ZFYVE9: variants seen among roughly 807,000 people sequenced by gnomAD.
The protein encoded by ZFYVE9 is zinc finger FYVE-type containing 9, also known as zinc finger FYVE domain-containing protein 9.
A neutral mutation model predicts 126.7 loss-of-function variants in ZFYVE9; 43 were observed. The observed-to-expected ratio is 0.34, with a 90% confidence interval of 0.27 to 0.44. The LOEUF is 0.44. Among genes scored for constraint, ZFYVE9 ranks in the 20% least tolerant of loss-of-function variants. The pLI, the probability that ZFYVE9 is intolerant of heterozygous loss-of-function variation, is 1.00. For synonymous variants in ZFYVE9, 521 were observed against 597.4 expected, an observed-to-expected ratio of 0.87 and a Z score of 1.87; for missense variants, 1,476 against 1,697.0, an observed-to-expected ratio of 0.87 and a Z score of 2.29.
At chr1:52,178,727 T>C (rs995219798) in intron 1 of ZFYVE9, among the ~76,000 whole-genome samples, 1 of 152,138 alleles carries the variant, frequency 6.6e-6, no homozygotes, top group African/African-American at 2.4e-5. Flanking sequence ...GGGGAAACTA[T>C]TGAAGAAAAC....
Position 52,222,221 on chromosome 1 carries a change from G to A in ZFYVE9, c.-37+5747G>A, listed in dbSNP as rs370179009. 1.7e-4 allele frequency among the ~76,000 whole-genome samples: 26 copies of A among 152,340 alleles called. 2 individuals carry two copies. The South Asian group carries it at 4.8e-3, about 28-fold the overall frequency. On this transcript the variant is annotated intron_variant, in intron 2 of 18. Transcript: ENST00000287727. ...CACATATTGGAGAAGGCATATGGATGAAGGCAGGGAGAAATTTTCTAGAAC... is the reference window on the plus strand; with the variant it reads ...CACATATTGGAGAAGGCATATGGATAAAGGCAGGGAGAAATTTTCTAGAAC...
At chr1:52,186,499 C>T (rs1007619216) in intron 1 of ZFYVE9, among the ~76,000 whole-genome samples, 2 of 152,034 alleles carry the variant, frequency 1.3e-5, no homozygotes, top group African/African-American at 2.4e-5. Context: ...GAAAGGGCAT[C>T]CAGATAGGAA....
intron 10 of ZFYVE9, among the ~76,000 whole-genome samples, chr1:52,282,430 T>C (rs2147817807): frequency 6.6e-6 from 1 of 152,270 alleles, no homozygotes; most frequent in East Asian, 1.9e-4. Context: ...ACAAATGAGG[T>C]AGAAAAACGG....
At chr1:52,198,936 A>G (rs1031941764) in intron 1 of ZFYVE9, among the ~76,000 whole-genome samples, 1 of 152,178 alleles carries the variant, frequency 6.6e-6, no homozygotes, top group Non-Finnish European at 1.5e-5. Flanking sequence ...ATGGTGTTGT[A>G]TATTTTATGG....
chr1:52,161,162 A>G (rs1307266050), intron 1 of ZFYVE9, among the ~76,000 whole-genome samples: 1 of 152,360 alleles, frequency 6.6e-6, no homozygotes, highest in East Asian at 1.9e-4. Flanking sequence ...AAAATTTCTA[A>G]CAGCAAATTA....
rs868341940 is a variant in ZFYVE9, at chr1:52,183,865, T to C, written c.-142-32504T>C. On this transcript the variant is annotated intron_variant, in intron 1 of 18. Transcript: ENST00000287727. ...CTTTTCTTTTCTATCTTTCTTTTTT[T>C]TTTTTTTGAGATGGAGTCTCACTCT... Among the ~76,000 whole-genome samples, 380 of 150,514 alleles carry C rather than the reference T, an allele frequency of 2.5e-3. 3 individuals are homozygous for C. Among genetic ancestry groups the C allele is most frequent in the African/African-American group, 8.3e-3 (342 of 41,150 alleles).
chr1:52,292,223 C>T (rs541369410), intron 10 of ZFYVE9, among the ~76,000 whole-genome samples: 66 of 142,910 alleles, frequency 4.6e-4, no homozygotes, highest in Non-Finnish European at 7.5e-4. Flanking sequence ...GCAGATGCTG[C>T]ATTGAGCCAA....
intron 1 of ZFYVE9, among the ~76,000 whole-genome samples, chr1:52,167,526 A>G (rs1572068685): frequency 6.6e-6 from 1 of 152,232 alleles, no homozygotes; most frequent in Non-Finnish European, 1.5e-5. Flanking sequence ...ATATTAGCAT[A>G]GATCTAAAAA....
chr1:52,268,531 G>C lies in ZFYVE9; in HGVS notation c.2524G>C (p.Asp842His), dbSNP rs1291655745. 6.2e-7 allele frequency: 1 copy of C among 1,614,048 alleles called. No homozygotes were observed. The highest frequency in any genetic ancestry group is 8.5e-7 in the Non-Finnish European group (1 of 1,180,020). ...GATCTTGCCCAATGGAGAAGTTGCT[G>C]ATGCAGCCAAATTAACAATGAATGG... ...DGILPNGEVA[D>H]AAKLTMNGTS... The change falls in exon 7 of 19, where the codon GAT becomes CAT. Residue 842 changes from aspartate to histidine, a missense_variant. By Grantham distance (81) the Asp-to-His change is moderately conservative. This residue lies in a region of ZFYVE9 where 669 missense variants were observed against 902.4 expected (regional missense o/e 0.74). Coordinates refer to ENST00000287727, the MANE Select transcript of ZFYVE9 (RefSeq NM_004799.4).
chr1:52,263,770 C>T lies in ZFYVE9; in HGVS notation c.2179-3C>T, dbSNP rs762025212. ...TGTGTTCTTCCCCCCCCCCCCCCCA[C>T]AGGTTTTCTGTGCTTCCTGCTGTAG... On this transcript the variant is annotated splice_polypyrimidine_tract_variant and splice_region_variant and intron_variant, in intron 4 of 18. Transcript: ENST00000287727. 9.3e-7 allele frequency: 1 copy of T among 1,073,254 alleles called. No individual in the cohort carries two copies. The highest frequency in any genetic ancestry group is 1.3e-6 in the Non-Finnish European group (1 of 773,314). 66.5% of individuals were successfully genotyped at this position (1,073,254 alleles called of 1,614,324 possible).
chr1:52,205,264 A>T (rs977849374), intron 1 of ZFYVE9, among the ~76,000 whole-genome samples: 1 of 151,676 alleles, frequency 6.6e-6, no homozygotes, highest in African/African-American at 2.4e-5. Flanking sequence ...TTGTAGCGAT[A>T]GGGTTTTGCA....
At chr1:52,157,394 C>CTTTTTTTTTTTTTTTTTTTTTTTTTTT in intron 1 of ZFYVE9, among the ~76,000 whole-genome samples, 1 of 58,444 alleles carries the variant, frequency 1.7e-5, no homozygotes, top group Non-Finnish European at 2.8e-5. Context: ...ACCATATTCT[C>CTTTTTTTTTTTTTTTTTTTTTTTTTTT]TTTTTTTTTT....
At chr1:52,158,758 T>C (rs181483584) in intron 1 of ZFYVE9, among the ~76,000 whole-genome samples, 1 of 152,178 alleles carries the variant, frequency 6.6e-6, no homozygotes, top group Non-Finnish European at 1.5e-5. Context: ...CTGCCCTTTC[T>C]AGGGAGCCTG....
intron 1 of ZFYVE9, among the ~76,000 whole-genome samples, chr1:52,153,094 G>A (rs1395630972): frequency 6.6e-6 from 1 of 152,210 alleles, no homozygotes; most frequent in Middle Eastern, 3.2e-3. Flanking sequence ...AGCTGCCCAA[G>A]GAGAGCATGG....
intron 1 of ZFYVE9, among the ~76,000 whole-genome samples, chr1:52,167,661 C>A (rs1644526243): frequency 6.6e-6 from 1 of 152,150 alleles, no homozygotes; most frequent in African/African-American, 2.4e-5. Flanking sequence ...TCAGAAAGCA[C>A]ATACAAATCA....
chr1:52,175,373 A>C (rs1374336819), intron 1 of ZFYVE9, among the ~76,000 whole-genome samples: 14 of 151,690 alleles, frequency 9.2e-5, no homozygotes, highest in East Asian at 3.9e-4. Context: ...CCGAGAGATC[A>C]GCTGTTAGTC....
At chr1:52,300,845 T>C (rs1000146390) in intron 12 of ZFYVE9, among the ~76,000 whole-genome samples, 2 of 151,550 alleles carry the variant, frequency 1.3e-5, no homozygotes, top group South Asian at 2.1e-4. Context: ...GGTTGAGTTT[T>C]GTTGTTTAGG....
intron 1 of ZFYVE9, among the ~76,000 whole-genome samples, chr1:52,174,158 T>G (rs928436631): frequency 1.9e-4 from 29 of 152,368 alleles, no homozygotes; most frequent in Admixed American, 1.8e-3. Flanking sequence ...TAAATTTCCC[T>G]CTACACACTA....
chr1:52,338,708 G>A (rs954514152), intron 16 of ZFYVE9, among the ~76,000 whole-genome samples: 4 of 152,238 alleles, frequency 2.6e-5, no homozygotes, highest in South Asian at 2.1e-4. Flanking sequence ...AGTTAGATTC[G>A]ACTTTTAATA....
Sources: allele counts gnomAD v4.1 joint callset (sites outside exome capture counted in the v4.1 genomes callset), GRCh38; gene constraint gnomAD v4.1.1; regional missense constraint gnomAD v4.1.1; transcripts MANE v1.5; gene names NCBI Gene and HGNC (gene_info 2026-07-23, HGNC 2026-07-21).